RBFOX1: variants seen among roughly 807,000 people sequenced by gnomAD.
The protein encoded by RBFOX1 is RNA binding fox-1 homolog 1.
A neutral mutation model predicts 57.7 loss-of-function variants in RBFOX1; 8 were observed. The observed-to-expected ratio is 0.14, with a 90% CI of 0.08 to 0.25. The LOEUF is 0.25. Ranked by LOEUF, RBFOX1 falls within the 10% of genes least tolerant of loss-of-function variation. The pLI, the probability that RBFOX1 is intolerant of heterozygous loss-of-function variation, is 1.00. For synonymous variants in RBFOX1, 326 were observed against 222.4 expected (o/e 1.47, Z -4.15); for missense variants, 611 against 548.5 (o/e 1.11, Z -1.14).
At chr16:6,820,472 G>GA (rs1008166503) in intron 3 of RBFOX1, among the ~76,000 whole-genome samples, 5 of 152,036 alleles carry the variant, frequency 3.3e-5, no homozygotes, top group African/African-American at 1.2e-4. Flanking sequence ...GCATGGGAAA[G>GA]ATAGAAAAAC....
At chr16:6,542,481 G>GTTTTTTTT (rs1567617665) in intron 2 of RBFOX1, among the ~76,000 whole-genome samples, 19 of 37,132 alleles carry the variant, frequency 5.1e-4, no homozygotes, top group South Asian at 1.2e-3. Flanking sequence ...TGGGACCATA[G>GTTTTTTTT]TCTTTTTTTT....
chr16:6,772,983 GTGTGGGTGTGGGGTGCATA>G (rs2078615040), intron 3 of RBFOX1, among the ~76,000 whole-genome samples: 1 of 146,648 alleles, frequency 6.8e-6, no homozygotes, highest in African/African-American at 2.6e-5. Flanking sequence ...GTGTGCGTGT[GTGTGGGTGTGGGGTGCATA>G]TGTGTGTGTG....
At chr16:5,400,017 A>G (rs1221808571) in intron 1 of RBFOX1, among the ~76,000 whole-genome samples, 3 of 151,812 alleles carry the variant, frequency 2.0e-5, no homozygotes, top group African/African-American at 7.3e-5. Context: ...CATCCTCCAC[A>G]TCCAGGTACT....
At chr16:5,244,287 T>G (rs1332328061) in intron 1 of RBFOX1, among the ~76,000 whole-genome samples, 1 of 152,252 alleles carries the variant, frequency 6.6e-6, no homozygotes, top group Non-Finnish European at 1.5e-5. Flanking sequence ...CATCCCCTCA[T>G]GCACTGGTGC....
chr16:6,712,816 T>C (rs934784627), intron 3 of RBFOX1, among the ~76,000 whole-genome samples: 7 of 151,568 alleles, frequency 4.6e-5, no homozygotes, highest in African/African-American at 1.5e-4. Context: ...TCATCTTGAA[T>C]TGTAGCTCTC....
At chr16:5,767,924 C>G (rs1175670998) in intron 3 of RBFOX1, among the ~76,000 whole-genome samples, 2 of 151,148 alleles carry the variant, frequency 1.3e-5, no homozygotes, top group Non-Finnish European at 2.9e-5. Flanking sequence ...TTAGTGAAGT[C>G]CCATTACTTT....
chr16:5,346,709 G>T (rs1569139), intron 1 of RBFOX1, among the ~76,000 whole-genome samples: 129,214 of 152,158 alleles, frequency 0.85, 57,809 homozygotes, highest in East Asian at 1. Context: ...GTTTTCTAAG[G>T]CATGACCCTC....
chr16:6,959,970 C>A (rs1467897860), intron 3 of RBFOX1, among the ~76,000 whole-genome samples: 2 of 152,052 alleles, frequency 1.3e-5, no homozygotes, highest in African/African-American at 4.8e-5. Flanking sequence ...CCAAGAAAGC[C>A]AGTGCCCTTA....
intron 3 of RBFOX1, among the ~76,000 whole-genome samples, chr16:6,921,937 C>T (rs2074547691): frequency 6.6e-6 from 1 of 152,082 alleles, no homozygotes; most frequent in Non-Finnish European, 1.5e-5. Flanking sequence ...TGGCAGTCAC[C>T]TTAGCTTCTG....
chr16:7,404,980 C>A (rs898834374), intron 4 of RBFOX1, among the ~76,000 whole-genome samples: 1 of 152,156 alleles, frequency 6.6e-6, no homozygotes, highest in Non-Finnish European at 1.5e-5. Context: ...GATGATTTTA[C>A]TCCACAGCAG....
chr16:7,399,031 G>T (rs549881048), intron 4 of RBFOX1, among the ~76,000 whole-genome samples: 2 of 152,336 alleles, frequency 1.3e-5, no homozygotes, highest in Admixed American at 6.5e-5. Context: ...GGCAAGTGTT[G>T]AGTGACTGTT....
At chr16:7,703,082 T>C (rs74790116) in intron 14 of RBFOX1, among the ~76,000 whole-genome samples, 2,417 of 151,566 alleles carry the variant, frequency 0.016, 23 homozygotes, top group Non-Finnish European at 0.024. Context: ...ACCATGGCTC[T>C]CTAAAGAGCA....
intron 1 of RBFOX1, among the ~76,000 whole-genome samples, chr16:6,274,044 C>T (rs1044475706): frequency 1.4e-4 from 22 of 152,122 alleles, no homozygotes; most frequent in African/African-American, 5.3e-4. Flanking sequence ...AGTGGCAACC[C>T]CAGTACTTGC....
chr16:7,157,329 A>G (rs1405494545), intron 4 of RBFOX1, among the ~76,000 whole-genome samples: 1 of 152,164 alleles, frequency 6.6e-6, no homozygotes, highest in Non-Finnish European at 1.5e-5. Context: ...ATCACAGAAA[A>G]CATGTGTAAT....
At chr16:6,063,462 C>T (rs1408455683) in intron 1 of RBFOX1, among the ~76,000 whole-genome samples, 1 of 100,062 alleles carries the variant, frequency 1.0e-5, no homozygotes, top group African/African-American at 3.8e-5. Context: ...TTCTCTTTCT[C>T]CGACACACAC....
At chr16:7,571,232 G>A (rs886958297) in intron 5 of RBFOX1, among the ~76,000 whole-genome samples, 4 of 151,916 alleles carry the variant, frequency 2.6e-5, no homozygotes, top group African/African-American at 7.3e-5. Context: ...ATCCTTCCCT[G>A]TGCTTCTGTA....
chr16:6,872,875 T>A lies in RBFOX1; in HGVS notation c.-15-179182T>A, dbSNP rs192525883. On this transcript the variant is annotated intron_variant, in intron 3 of 15. Transcript: ENST00000550418. Reference sequence around the variant, plus strand: ...ATATAACAATTCAAAGACTCCATGTTCCATAAAAATTGTGCTATTAGGAAG... The same window carrying A: ...ATATAACAATTCAAAGACTCCATGTACCATAAAAATTGTGCTATTAGGAAG... Among the ~76,000 whole-genome samples, 179 of 152,280 alleles carry A rather than the reference T, an allele frequency of 1.2e-3. 1 individual carries two copies. Among genetic ancestry groups the A allele is most frequent in the African/African-American group, 4.2e-3 (175 of 41,554 alleles).
intron 2 of RBFOX1, among the ~76,000 whole-genome samples, chr16:6,595,859 T>C (rs528289100): frequency 6.6e-6 from 1 of 152,346 alleles, no homozygotes; most frequent in South Asian, 2.1e-4. Flanking sequence ...GTATCTTCTT[T>C]GGACAAACCC....
In RBFOX1 at chr16:7,354,399, C is replaced by G. The variant is rs1173268582; in HGVS notation, c.28-163748C>G. Among the ~76,000 whole-genome samples the G allele has an allele frequency of 2.0e-5, 3 of 152,280 alleles. No homozygotes were observed. In the East Asian group the frequency reaches 5.8e-4, roughly 29 times the overall value. On this transcript the variant is annotated intron_variant, in intron 4 of 15. Coordinates refer to ENST00000550418, the MANE Select transcript of RBFOX1 (RefSeq NM_018723.4). ...GTTTGTTGAAGGTGTTTGCTGTATT[C>G]AAGGCCTGTTTTCCCTCAGGAAATA...
Sources: allele counts gnomAD v4.1 joint callset (sites outside exome capture counted in the v4.1 genomes callset), GRCh38; gene constraint gnomAD v4.1.1; transcripts MANE v1.5; gene names NCBI Gene and HGNC (gene_info 2026-07-23, HGNC 2026-07-21).